The following ZNF385D variants were observed in gnomAD, a reference collection of about 807,000 sequenced individuals.
The protein encoded by ZNF385D is zinc finger protein 659.
Under a neutral mutation model 35.8 loss-of-function variants are expected in ZNF385D, and 15 were observed. The ratio of observed to expected loss-of-function variants is 0.42; its 90% CI spans 0.28 to 0.64. ZNF385D has a LOEUF of 0.64. ZNF385D is among the 30% of genes least tolerant of loss of function. ZNF385D has a pLI of 0.23. For synonymous variants in ZNF385D, 212 were observed against 186.8 expected, an observed-to-expected ratio of 1.13 and a Z score of -1.10; for missense variants, 474 against 494.6, an observed-to-expected ratio of 0.96 and a Z score of 0.39.
intron 5 of ZNF385D, among the ~76,000 whole-genome samples, chr3:21,428,418 G>T (rs1304513798): frequency 6.6e-6 from 1 of 152,054 alleles, no homozygotes; most frequent in South Asian, 2.1e-4. Context: ...AAAGAAAGGA[G>T]ATTTCTAGCT....
At chr3:21,743,598 G>C (rs2069624294) in intron 1 of ZNF385D, among the ~76,000 whole-genome samples, 2 of 152,182 alleles carry the variant, frequency 1.3e-5, no homozygotes, top group African/African-American at 2.4e-5. Context: ...AGCCTCAAAT[G>C]GTGGAAAGAG....
intron 2 of ZNF385D, among the ~76,000 whole-genome samples, chr3:22,169,374 G>C (rs970723097): frequency 6.6e-6 from 1 of 152,080 alleles, no homozygotes; most frequent in Non-Finnish European, 1.5e-5. Flanking sequence ...CTTGTCTAAG[G>C]TCACACAGCT....
At chr3:22,144,407 C>T (rs1014694046) in intron 3 of ZNF385D, among the ~76,000 whole-genome samples, 4 of 151,770 alleles carry the variant, frequency 2.6e-5, no homozygotes, top group African/African-American at 9.7e-5. Flanking sequence ...AACCCCCTCT[C>T]TATTAAAAAT....
intron 3 of ZNF385D, among the ~76,000 whole-genome samples, chr3:22,000,537 G>C (rs1003335013): frequency 6.6e-6 from 1 of 151,996 alleles, no homozygotes; most frequent in African/African-American, 2.4e-5. Context: ...CAGCCCTTGG[G>C]GGTTGCTCTG....
At chr3:22,343,254 T>C (rs955471808) in intron 2 of ZNF385D, among the ~76,000 whole-genome samples, 2 of 152,172 alleles carry the variant, frequency 1.3e-5, no homozygotes, top group African/African-American at 2.4e-5. Flanking sequence ...GTCTTTGAAA[T>C]CACTCACTAA....
chr3:21,608,380 A>C (rs2064561529), intron 2 of ZNF385D, among the ~76,000 whole-genome samples: 1 of 152,156 alleles, frequency 6.6e-6, no homozygotes, highest in Non-Finnish European at 1.5e-5. Context: ...TAGCTACTAA[A>C]CCATAAGCAT....
At chr3:21,859,322 C>A (rs2125826457) in intron 3 of ZNF385D, among the ~76,000 whole-genome samples, 1 of 151,794 alleles carries the variant, frequency 6.6e-6, no homozygotes, top group East Asian at 2.0e-4. Context: ...GAGCCTGTGG[C>A]GGCCCAGAAG....
chr3:22,343,490 C>A lies in ZNF385D; in HGVS notation c.106+28960G>T, dbSNP rs77041470. On this transcript the variant is annotated intron_variant, in intron 2 of 5. Transcript: ENST00000494108. ...GCAACAACTAATTCCCCTGGTGGGA[C>A]TACCCTGGTGGGAGTAGCAGCACTT... is the stretch of plus-strand genomic sequence containing the variant. 8.1e-3 allele frequency among the ~76,000 whole-genome samples: 1,233 copies of A among 152,350 alleles called. 16 individuals are homozygous for A. The highest frequency in any genetic ancestry group is 0.027 in the African/African-American group (1,134 of 41,582).
At chr3:22,366,205 C>T (rs1696649266) in intron 2 of ZNF385D, among the ~76,000 whole-genome samples, 1 of 151,914 alleles carries the variant, frequency 6.6e-6, no homozygotes, top group Non-Finnish European at 1.5e-5. Context: ...ACTTCCTTGC[C>T]CCTAAAATGC....
chr3:22,084,074 T>C (rs965225650), intron 3 of ZNF385D, among the ~76,000 whole-genome samples: 7 of 152,186 alleles, frequency 4.6e-5, no homozygotes, highest in African/African-American at 1.7e-4. Flanking sequence ...CAAGAGCTCC[T>C]GAAGGAAGCA....
chr3:22,059,325 G>C (rs916362850), intron 3 of ZNF385D, among the ~76,000 whole-genome samples: 8 of 151,854 alleles, frequency 5.3e-5, no homozygotes, highest in Non-Finnish European at 1.5e-5. Flanking sequence ...GAAGTGTGTA[G>C]TCTGGGTGTT....
chr3:21,673,843 G>C (rs766818624), intron 1 of ZNF385D, among the ~76,000 whole-genome samples: 1 of 152,038 alleles, frequency 6.6e-6, no homozygotes, highest in Non-Finnish European at 1.5e-5. Flanking sequence ...CAATCACAAA[G>C]TTTTCATTTC....
chr3:22,140,787 G>A (rs1178274293), intron 3 of ZNF385D, among the ~76,000 whole-genome samples: 2 of 152,168 alleles, frequency 1.3e-5, no homozygotes, highest in South Asian at 2.1e-4. Context: ...AATTCTCAAG[G>A]TATGGCCATT....
intron 2 of ZNF385D, among the ~76,000 whole-genome samples, chr3:21,577,583 G>A (rs938782400): frequency 2.6e-5 from 4 of 152,060 alleles, no homozygotes; most frequent in South Asian, 2.1e-4. Context: ...AGGAACCTAC[G>A]TGCTGTTTTT....
chr3:21,665,111 C>G (rs763051578), intron 1 of ZNF385D, 83 bp from the exon 2 acceptor site: 32 of 1,461,688 alleles, frequency 2.2e-5, no homozygotes, highest in Non-Finnish European at 2.9e-5. Flanking sequence ...ACAAAAAAGG[C>G]CAGCTTTGTG....
In ZNF385D at chr3:21,732,027, GGGGTT is replaced by G. The variant is rs2069024549; in HGVS notation, c.22+18863_22+18867del. Among the ~76,000 whole-genome samples, 35 of 64,270 alleles carry G rather than the reference GGGGTT, an allele frequency of 5.4e-4. 16 individuals are homozygous for G. Among genetic ancestry groups the G allele is most frequent in the African/African-American group, 1.5e-3 (18 of 12,032 alleles). The allele number at this position is 64,270 out of a possible 152,430, so 42.2% of individuals were successfully genotyped here. ...CTATTCAGGGTTTTTTTCTTTTTTC[GGGGTT>G]TTTTTTTTTTTTTTTTTTTTTTTTT... On this transcript the variant is annotated intron_variant, in intron 1 of 7. Transcript: ENST00000281523.
chr3:21,469,601 G>A (rs950811639), intron 4 of ZNF385D, among the ~76,000 whole-genome samples: 1 of 152,024 alleles, frequency 6.6e-6, no homozygotes, highest in Non-Finnish European at 1.5e-5. Context: ...TCTGGGAAAA[G>A]TTTTTAGTTT....
chr3:22,169,124 T>C, intron 2 of ZNF385D: 1 of 537,916 alleles, frequency 1.9e-6, no homozygotes, highest in Non-Finnish European at 2.4e-6. Context: ...TAAGGATTGT[T>C]CTACACACAA....
At chr3:21,659,744 A>G (rs12491669) in intron 2 of ZNF385D, among the ~76,000 whole-genome samples, 69,391 of 151,910 alleles carry the variant, frequency 0.46, 17,051 homozygotes, top group Non-Finnish European at 0.55. Flanking sequence ...GGCCTAACAC[A>G]TAGTAGGTAT....
Sources: allele counts gnomAD v4.1 joint callset (sites outside exome capture counted in the v4.1 genomes callset), GRCh38; gene constraint gnomAD v4.1.1; transcripts MANE v1.5; gene names NCBI Gene and HGNC (gene_info 2026-07-23, HGNC 2026-07-21).